CAGE1: variants seen among roughly 807,000 people sequenced by gnomAD.
CAGE1 encodes cancer antigen 1.
Under a neutral mutation model 94.9 loss-of-function variants are expected in CAGE1, and 66 were observed. That is an observed-to-expected ratio of 0.70 (90% CI 0.57 to 0.85). CAGE1 has a LOEUF of 0.85. Among genes scored for constraint, CAGE1 ranks in the 40% least tolerant of loss-of-function variants. CAGE1 has a pLI of 0.00. For synonymous variants in CAGE1, 319 were observed against 321.0 expected, an observed-to-expected ratio of 0.99 and a Z score of 0.07; for missense variants, 865 against 950.4, an observed-to-expected ratio of 0.91 and a Z score of 1.18.
chr6:7,373,129 C>T lies in CAGE1; in HGVS notation c.1690G>A (p.Glu564Lys). 1 of 1,613,092 alleles carries T rather than the reference C, an allele frequency of 6.2e-7. No individual in the cohort carries two copies. The highest frequency in any genetic ancestry group is 8.5e-7 in the Non-Finnish European group (1 of 1,179,606). Residue 564 changes from glutamate to lysine, a missense_variant, in exon 5 of 14, where the codon GAG (glutamate) becomes AAG (lysine). Transcript: ENST00000502583. The part of the protein sequence containing the change: ...SEEQNYVPKF[E>K]TAQLKDQLEE... The stretch of plus-strand genomic sequence containing the variant: ...AATTGATCCTTTAACTGAGCTGTCT[C>T]AAATTTAGGGACATAATTTTGCTCT...
intron 5 of CAGE1, among the ~76,000 whole-genome samples, chr6:7,371,251 A>C (rs984058899): frequency 1.3e-5 from 2 of 152,288 alleles, no homozygotes; most frequent in African/African-American, 4.8e-5. Flanking sequence ...GTGCTTTAAC[A>C]AGCGTTTTAG....
intron 11 of CAGE1, chr6:7,342,075 G>A: frequency 2.2e-6 from 2 of 923,816 alleles, no homozygotes; most frequent in Non-Finnish European, 3.6e-6. Context: ...TCGACTAATA[G>A]AAGACAGAGA....
rs748632625 is a variant in CAGE1, at chr6:7,345,733, C to T, written c.2369+9308G>A. ...ATGAGGTCAGGAAATTGAGACCATCCTGGCTGACTAAAACCCCGTCTCTAC... is the reference window on the plus strand; with the variant it reads ...ATGAGGTCAGGAAATTGAGACCATCTTGGCTGACTAAAACCCCGTCTCTAC... On this transcript the variant is annotated intron_variant, in intron 11 of 13. Transcript: ENST00000502583. 2.4e-4 allele frequency among the ~76,000 whole-genome samples: 36 copies of T among 151,938 alleles called. 1 individual carries two copies. Among genetic ancestry groups the T allele is most frequent in the African/African-American group, 9.7e-5 (4 of 41,360 alleles).
In CAGE1 at chr6:7,368,688, C is replaced by A; in HGVS notation, c.2004G>T (p.Glu668Asp). 3 of 1,417,282 alleles carry A rather than the reference C, an allele frequency of 2.1e-6. No individual in the cohort carries two copies. Among genetic ancestry groups the A allele is most frequent in the Admixed American group, 2.3e-5 (1 of 43,636 alleles). 87.8% of individuals were successfully genotyped at this position (1,417,282 alleles called of 1,614,324 possible). A position where few individuals can be genotyped will look rare whatever the true frequency, so the allele number is the denominator to read the frequency against. The part of the protein sequence containing the change: ...LHLKKKTLDK[E>D]LLKHKDRITT... ...TTTAGAAGAAGAATAAATATAATAC[C>A]TCTTTATCTAAAGTTTTCTTTTTAA... Residue 668 changes from glutamate (E) to aspartate (D), a missense_variant and splice_region_variant, in exon 7 of 14, where the codon GAG (glutamate) becomes GAT (aspartate). Physicochemically the swap from Glu to Asp is conservative, Grantham distance 45 (BLOSUM62 2). Coordinates refer to ENST00000502583, the MANE Select transcript of CAGE1 (RefSeq NM_001170692.2).
chr6:7,350,329 A>G lies in CAGE1; in HGVS notation c.2369+4712T>C, dbSNP rs532531892. 5.6e-4 allele frequency among the ~76,000 whole-genome samples: 86 copies of G among 152,330 alleles called. 1 individual carries two copies. Among genetic ancestry groups the G allele is most frequent in the African/African-American group, 2.0e-3 (84 of 41,568 alleles). ...TACTGGGGGCTGGCTTCAATACTCC[A>G]CTGACAGCACTAGACAGGTCATCAG... is the stretch of plus-strand genomic sequence containing the variant. On this transcript the variant is annotated intron_variant, in intron 11 of 13. Transcript: ENST00000502583.
chr6:7,344,567 A>G (rs1215105699), intron 11 of CAGE1, among the ~76,000 whole-genome samples: 3 of 152,200 alleles, frequency 2.0e-5, no homozygotes, highest in Admixed American at 1.3e-4. Flanking sequence ...TACAGCGCCC[A>G]GTCCCATCCA....
At chr6:7,337,117 T>C (rs1651704068) in intron 11 of CAGE1, among the ~76,000 whole-genome samples, 1 of 151,850 alleles carries the variant, frequency 6.6e-6, no homozygotes, top group South Asian at 2.1e-4. Flanking sequence ...GGTCAGGAGT[T>C]CAAGACCAGC....
Position 7,362,556 on chromosome 6 carries a change from G to A in CAGE1, c.2193+2912C>T, listed in dbSNP as rs1760198621. On this transcript the variant is annotated intron_variant, in intron 9 of 13. Coordinates refer to ENST00000502583, the MANE Select transcript of CAGE1 (RefSeq NM_001170692.2). This position sits in a 1 kb window ranked among gnomAD's most constrained non-coding sequence, Gnocchi z 4.1. ...CAGGCTGTGAATGGAGCAGATGGCAGGGTCAGAACTGTGAAGAGGAGCCAA... is the reference window on the plus strand; with the variant it reads ...CAGGCTGTGAATGGAGCAGATGGCAAGGTCAGAACTGTGAAGAGGAGCCAA... Among the ~76,000 whole-genome samples, 1 of 152,226 alleles carries A rather than the reference G, an allele frequency of 6.6e-6. No homozygotes were observed. Among genetic ancestry groups the A allele is most frequent in the Non-Finnish European group, 1.5e-5 (1 of 68,030 alleles).
chr6:7,346,871 GAAGA>G (rs1482132683), intron 11 of CAGE1, among the ~76,000 whole-genome samples: 1 of 57,226 alleles, frequency 1.7e-5, no homozygotes, highest in Non-Finnish European at 3.9e-5. Context: ...AAAAAAAAAA[GAAGA>G]AAGAAAGAAG....
intron 4 of CAGE1, among the ~76,000 whole-genome samples, chr6:7,374,434 T>G (rs1057294870): frequency 6.6e-6 from 1 of 152,148 alleles, no homozygotes; most frequent in African/African-American, 2.4e-5. Flanking sequence ...CTCTTACCAT[T>G]TTCTATTATG....
intron 5 of CAGE1, among the ~76,000 whole-genome samples, chr6:7,372,620 C>T (rs1258632114): frequency 6.6e-6 from 1 of 152,058 alleles, no homozygotes; most frequent in Non-Finnish European, 1.5e-5. Context: ...CCAAAAGAAA[C>T]TTCTCCAAAC....
intron 12 of CAGE1, among the ~76,000 whole-genome samples, chr6:7,332,225 C>T (rs1483024535): frequency 6.6e-6 from 1 of 152,198 alleles, no homozygotes; most frequent in African/African-American, 2.4e-5. Context: ...ACAGCTCATA[C>T]TTGGCTGGGT....
chr6:7,352,215 C>T (rs999351409), intron 11 of CAGE1, among the ~76,000 whole-genome samples: 1 of 145,124 alleles, frequency 6.9e-6, no homozygotes, highest in Admixed American at 7.3e-5. Flanking sequence ...GTACACAAAT[C>T]AGTAGCTCTT....
chr6:7,360,910 G>GC (rs1760142119), intron 9 of CAGE1, among the ~76,000 whole-genome samples: 2 of 152,106 alleles, frequency 1.3e-5, no homozygotes, highest in African/African-American at 4.8e-5. Context: ...TCACGCCAGT[G>GC]CACTCCAGCC....
intron 6 of CAGE1, among the ~76,000 whole-genome samples, chr6:7,369,015 T>A (rs575964666): frequency 2.0e-5 from 3 of 151,456 alleles, no homozygotes; most frequent in African/African-American, 7.2e-5. Flanking sequence ...TTTTAATTTT[T>A]TTTTTTTTTT....
intron 11 of CAGE1, chr6:7,340,807 C>T: frequency 2.5e-6 from 1 of 399,100 alleles, no homozygotes; most frequent in Non-Finnish European, 4.9e-6. Context: ...CAGTCTACTC[C>T]CTCAATGCAT....
intron 7 of CAGE1, 51 bp downstream of exon 7, chr6:7,368,637 A>AT (rs1561862144): frequency 2.0e-6 from 2 of 996,114 alleles, no homozygotes; most frequent in East Asian, 5.5e-5. Context: ...CCTTTTAACT[A>AT]TTTTTTCACT....
rs1217405045 is a variant in CAGE1 at position 7,340,818 on chromosome 6, C to G, written c.2370-6728G>C. ...CAGACAGTCTACTCCCTCAATGCAT[C>G]TTCCAACTGCTTCACTAGCAAAGCC... On this transcript the variant is annotated intron_variant, in intron 11 of 13. Coordinates refer to ENST00000502583, the MANE Select transcript of CAGE1 (RefSeq NM_001170692.2). 2.0e-5 allele frequency: 8 copies of G among 406,306 alleles called. No homozygotes were observed. The Admixed American group carries it at 2.2e-4, about 11-fold the overall frequency. The allele number at this position is 406,306 out of a possible 1,614,324, so 25.2% of individuals were successfully genotyped here. A position where few individuals can be genotyped will look rare whatever the true frequency, so the allele number is the denominator to read the frequency against.
Position 7,338,082 on chromosome 6 carries a change from A to G in CAGE1, c.2370-3992T>C, listed in dbSNP as rs190874667. On this transcript the variant is annotated intron_variant, in intron 11 of 13. Transcript: ENST00000502583. ...TGTAGTTTATATTTTTGGTGCTATC[A>G]GAAATGTTTCTTAATTTCTGATTAT... Among the ~76,000 whole-genome samples the G allele has an allele frequency of 4.0e-4, 61 of 152,330 alleles. 1 individual carries two copies. Among genetic ancestry groups the G allele is most frequent in the Admixed American group, 1.1e-3 (17 of 15,296 alleles).
Sources: allele counts gnomAD v4.1 joint callset (sites outside exome capture counted in the v4.1 genomes callset), GRCh38; gene constraint gnomAD v4.1.1; non-coding constraint Gnocchi (gnomAD v3.1); transcripts MANE v1.5; gene names NCBI Gene and HGNC (gene_info 2026-07-23, HGNC 2026-07-21).